The following GNL2 variants were observed in gnomAD, a reference collection of about 807,000 sequenced individuals.
GNL2 encodes G protein nucleolar 2, also known as nucleolar GTP-binding protein 2.
A neutral mutation model predicts 92.3 loss-of-function variants in GNL2; 51 were observed. The observed-to-expected ratio is 0.55, with a 90% CI of 0.44 to 0.70. GNL2 has a LOEUF of 0.70. Among genes scored for constraint, GNL2 ranks in the 30% least tolerant of loss-of-function variants. The probability of loss-of-function intolerance (pLI) is 0.00; values close to 1 mark genes in which losing one functional copy is unlikely to be tolerated. For missense variants in GNL2, 844 were observed against 895.6 expected (o/e 0.94, Z 0.74); for synonymous variants, 283 against 300.6 (o/e 0.94, Z 0.61).
At chr1:37,579,148 T>C (rs1172649053) in intron 8 of GNL2, among the ~76,000 whole-genome samples, 1 of 152,018 alleles carries the variant, frequency 6.6e-6, no homozygotes, top group Admixed American at 6.5e-5. Flanking sequence ...TGAAATAAGA[T>C]GTAAAAGGAG....
chr1:37,580,670 C>T (rs1370769095), intron 8 of GNL2, among the ~76,000 whole-genome samples: 1 of 152,186 alleles, frequency 6.6e-6, no homozygotes, highest in Non-Finnish European at 1.5e-5. Context: ...GAGCGGCCAG[C>T]CCTGCGGAGG....
chr1:37,573,510 G>A (rs1375445419), intron 12 of GNL2, among the ~76,000 whole-genome samples: 1 of 152,194 alleles, frequency 6.6e-6, no homozygotes, highest in African/African-American at 2.4e-5. Flanking sequence ...TTCTTTCTCC[G>A]ACTATCAGTA....
Position 37,575,694 on chromosome 1 carries a change from C to A in GNL2, c.1044G>T (p.Trp348Cys), listed in dbSNP as rs769243278. Residue 348 changes from tryptophan to cysteine, a missense_variant, in exon 10 of 16, where the codon TGG becomes TGT. Transcript: ENST00000373062. The surrounding 1 kb of genome is among the most constrained non-coding windows in gnomAD (Gnocchi z 4.1). ...VAPIAGETKVWQYITLMRRIF... is the reference protein window; with the variant it reads ...VAPIAGETKVCQYITLMRRIF... ...TCCGACGCATCAAAGTAATATACTG[C>A]CAGACCTGAAGTCAGAAAAAAGTCA... is the stretch of plus-strand genomic sequence containing the variant. 1.3e-5 allele frequency: 20 copies of A among 1,590,660 alleles called. No individual in the cohort carries two copies. Among genetic ancestry groups the A allele is most frequent in the Non-Finnish European group, 1.5e-5 (17 of 1,169,988 alleles).
At position 37,575,797 on chromosome 1, in the gene GNL2, G is replaced by A. The variant is rs1322957012; in HGVS notation, c.1039-98C>T. 2 of 737,124 alleles carry A rather than the reference G, an allele frequency of 2.7e-6. No individual in the cohort carries two copies. The highest frequency in any genetic ancestry group is 4.5e-6 in the Non-Finnish European group (2 of 444,592). 45.7% of individuals were successfully genotyped at this position (737,124 alleles called of 1,614,324 possible). A position where few individuals can be genotyped will look rare whatever the true frequency, so the allele number is the denominator to read the frequency against. ...CATGTATGAAGCTGGAAAGGAGGAA[G>A]GGGTGAGTCAAAGAAAAGCAACGCG... On this transcript the variant is annotated intron_variant, in intron 9 of 15. Transcript: ENST00000373062. This position sits in a 1 kb window ranked among gnomAD's most constrained non-coding sequence, Gnocchi z 4.1.
intron 12 of GNL2, among the ~76,000 whole-genome samples, chr1:37,573,110 T>G (rs1005379843): frequency 6.6e-6 from 1 of 152,202 alleles, no homozygotes; most frequent in African/African-American, 2.4e-5. Flanking sequence ...ATCAGTGAAT[T>G]AATGAATGAA....
intron 3 of GNL2, among the ~76,000 whole-genome samples, chr1:37,592,036 AG>A (rs1357913214): frequency 3.3e-5 from 5 of 152,318 alleles, no homozygotes; most frequent in Admixed American, 1.3e-4. Flanking sequence ...TGCAGTTCTT[AG>A]GAAGTATCCC....
chr1:37,575,624 A>G lies in GNL2; in HGVS notation c.1114T>C (p.Ser372Pro). Reference protein sequence around the residue: ...CPGVVYPSEDSETDIVLKGVV... With the variant: ...CPGVVYPSEDPETDIVLKGVV... ...CCTTTTAGCACAATGTCTGTCTCGGAGTCCTCAGAGGGGTAAACCACACCT... is the reference window on the plus strand; with the variant it reads ...CCTTTTAGCACAATGTCTGTCTCGGGGTCCTCAGAGGGGTAAACCACACCT... The change falls in exon 10 of 16, where the codon TCC (serine) becomes CCC (proline). Residue 372 changes from serine to proline, a missense_variant. Transcript: ENST00000373062. This position sits in a 1 kb window ranked among gnomAD's most constrained non-coding sequence, Gnocchi z 4.1. The G allele has an allele frequency of 6.3e-7, 1 of 1,593,932 alleles. No individual in the cohort carries two copies. The highest frequency in any genetic ancestry group is 8.5e-7 in the Non-Finnish European group (1 of 1,173,030).
At position 37,575,287 on chromosome 1, in the gene GNL2, T is replaced by C. The variant is rs1463973654; in HGVS notation, c.1143+308A>G. Among the ~76,000 whole-genome samples, 3 of 152,188 alleles carry C rather than the reference T, an allele frequency of 2.0e-5. No homozygotes were observed. Among genetic ancestry groups the C allele is most frequent in the Admixed American group, 2.0e-4 (3 of 15,288 alleles). On this transcript the variant is annotated intron_variant, in intron 10 of 15. Coordinates refer to ENST00000373062, the MANE Select transcript of GNL2 (RefSeq NM_013285.3). This position sits in a 1 kb window ranked among gnomAD's most constrained non-coding sequence, Gnocchi z 4.1. ...GTGAGGAAATGACTGGGTTCCAAAA[T>C]GACTCAACCCATAAACCCACGAAGA...
intron 14 of GNL2, 172 bp downstream of exon 14, chr1:37,568,103 G>A: frequency 1.7e-6 from 1 of 601,440 alleles, no homozygotes; most frequent in South Asian, 2.2e-5. Flanking sequence ...AAAATGTGCA[G>A]AATGAAAAGC....
At chr1:37,592,906 T>C (rs539685698) in intron 2 of GNL2, 100 bp from the exon 3 acceptor site, 10 of 727,548 alleles carry the variant, frequency 1.4e-5, no homozygotes, top group African/African-American at 5.2e-5. Flanking sequence ...ACTTCTTACT[T>C]TGGTTTTAAA....
At position 37,574,367 on chromosome 1, in the gene GNL2, AT is replaced by A; in HGVS notation, c.1391del (p.Asn464MetfsTer148). ...GRIPFFVKPP[N>X]AEPLVAPQLL... ...CCTGGGGGGCCACAAGTGGCTCTGC[AT>A]TGGGTGGCTTGACAAAGAAAGGAAT... On this transcript the variant is annotated frameshift_variant, in exon 12 of 16. Transcript: ENST00000373062. LOFTEE classifies it high-confidence loss of function. 1 of 1,613,968 alleles carries A rather than the reference AT, an allele frequency of 6.2e-7. No homozygotes were observed. The highest frequency in any genetic ancestry group is 8.5e-7 in the Non-Finnish European group (1 of 1,179,904).
chr1:37,590,407 T>C lies in GNL2; in HGVS notation c.384+299A>G, dbSNP rs541658272. On this transcript the variant is annotated intron_variant, in intron 4 of 15. Coordinates refer to ENST00000373062, the MANE Select transcript of GNL2 (RefSeq NM_013285.3). Reference sequence around the variant, plus strand: ...CAGGCGTGAGCCACTGTGTCCGACCTATCTATACTTTCAAGGCAAAGAAGT... The same window carrying C: ...CAGGCGTGAGCCACTGTGTCCGACCCATCTATACTTTCAAGGCAAAGAAGT... 3.9e-5 allele frequency among the ~76,000 whole-genome samples: 6 copies of C among 152,296 alleles called. No homozygotes were observed. In the South Asian group the frequency reaches 6.2e-4, roughly 16 times the overall value.
At chr1:37,595,738 G>A (rs377398557) in intron 1 of GNL2, 21 bp downstream of exon 1, 6 of 1,610,472 alleles carry the variant, frequency 3.7e-6, no homozygotes, top group Non-Finnish European at 4.2e-6. Flanking sequence ...CTCCACCCTC[G>A]ATCAGCCCTG....
chr1:37,574,317 C>A, intron 12 of GNL2, 26 bp downstream of exon 12: 1 of 1,492,928 alleles, frequency 6.7e-7, no homozygotes, highest in East Asian at 2.3e-5. Flanking sequence ...CCATGCTCCC[C>A]AGAGGTGGGC....
intron 14 of GNL2, 65 bp downstream of exon 14, chr1:37,568,210 C>T (rs193229601): frequency 2.0e-6 from 2 of 998,060 alleles, no homozygotes; most frequent in Admixed American, 1.8e-5. Flanking sequence ...GGAGACTGAA[C>T]TTAGGTTTCT....
intron 8 of GNL2, 126 bp downstream of exon 8, chr1:37,582,097 A>G: frequency 1.7e-6 from 1 of 592,034 alleles, no homozygotes; most frequent in Non-Finnish European, 3.0e-6. Context: ...AGTAGCTAGG[A>G]CTACAGACCT....
At chr1:37,571,793 GA>G (rs1261677149) in intron 12 of GNL2, among the ~76,000 whole-genome samples, 1 of 152,078 alleles carries the variant, frequency 6.6e-6, no homozygotes, top group Non-Finnish European at 1.5e-5. Flanking sequence ...TACACTTACT[GA>G]CTACATACGG....
intron 3 of GNL2, among the ~76,000 whole-genome samples, chr1:37,591,433 G>A (rs1643886743): frequency 6.6e-6 from 1 of 151,820 alleles, no homozygotes; most frequent in Non-Finnish European, 1.5e-5. Flanking sequence ...GGTAATGACG[G>A]TAGCAAGTAA....
intron 13 of GNL2, 135 bp from the exon 14 acceptor site, chr1:37,568,492 A>G (rs968762770): frequency 9.8e-5 from 62 of 634,782 alleles, no homozygotes; most frequent in Non-Finnish European, 1.7e-4. Flanking sequence ...GGAAGAAGTC[A>G]ACATCCAACA....
Sources: allele counts gnomAD v4.1 joint callset (sites outside exome capture counted in the v4.1 genomes callset), GRCh38; gene constraint gnomAD v4.1.1; non-coding constraint Gnocchi (gnomAD v3.1); transcripts MANE v1.5; gene names NCBI Gene and HGNC (gene_info 2026-07-23, HGNC 2026-07-21).